The following PCBP3 variants were observed in gnomAD, a reference collection of about 807,000 sequenced individuals.
PCBP3 encodes poly(rC)-binding protein 3.
In PCBP3, 25 loss-of-function variants were observed where a neutral mutation model predicts 52.7. The observed-to-expected ratio is 0.47, with a 90% CI of 0.35 to 0.66. PCBP3 has a LOEUF of 0.66. Ranked by LOEUF, PCBP3 falls within the 30% of genes least tolerant of loss-of-function variation. The pLI, the probability that PCBP3 is intolerant of heterozygous loss-of-function variation, is 0.01. For synonymous variants in PCBP3, 162 were observed against 183.0 expected, an observed-to-expected ratio of 0.89 and a Z score of 0.93; for missense variants, 391 against 490.3, an observed-to-expected ratio of 0.80 and a Z score of 1.91.
At chr21:45,647,395 G>A (rs1210313297) in intron 1 of PCBP3, among the ~76,000 whole-genome samples, 2 of 152,318 alleles carry the variant, frequency 1.3e-5, no homozygotes, top group East Asian at 3.9e-4. Flanking sequence ...TTCGGATTGA[G>A]GAAGGAACAT....
chr21:45,663,374 C>G (rs1247010287), intron 1 of PCBP3, among the ~76,000 whole-genome samples: 1 of 152,010 alleles, frequency 6.6e-6, no homozygotes, highest in Non-Finnish European at 1.5e-5. Context: ...TCGCCCGGGC[C>G]CAGCTGTTTT....
At chr21:45,670,742 C>T (rs1036925572) in intron 2 of PCBP3, among the ~76,000 whole-genome samples, 9 of 152,154 alleles carry the variant, frequency 5.9e-5, no homozygotes, top group Non-Finnish European at 1.3e-4. Flanking sequence ...TGTATCTCTT[C>T]CCCCCAATTT....
intron 9 of PCBP3, among the ~76,000 whole-genome samples, chr21:45,901,756 CAGAGACAGAG>C (rs1403595455): frequency 9.3e-6 from 1 of 107,194 alleles, no homozygotes; most frequent in Non-Finnish European, 1.9e-5. Flanking sequence ...GAGAGAGAGA[CAGAGACAGAG>C]AGAGAGCGAG....
intron 1 of PCBP3, among the ~76,000 whole-genome samples, chr21:45,666,030 A>T (rs1010065989): frequency 6.6e-6 from 1 of 152,250 alleles, no homozygotes; most frequent in African/African-American, 2.4e-5. Context: ...CCATATGATT[A>T]TCTCAATAGA....
chr21:45,726,918 G>C (rs2085089218), intron 2 of PCBP3, among the ~76,000 whole-genome samples: 1 of 152,146 alleles, frequency 6.6e-6, no homozygotes, highest in South Asian at 2.1e-4. Context: ...TATATATTCT[G>C]GATACAGTCT....
intron 3 of PCBP3, chr21:45,751,108 G>C (rs1377957021): frequency 6.6e-6 from 1 of 152,146 alleles, no homozygotes; most frequent in African/African-American, 2.4e-5. Context: ...GTCGCCCACG[G>C]TGGGAGGGTT....
At chr21:45,683,563 CAAAG>C (rs752488638) in intron 2 of PCBP3, among the ~76,000 whole-genome samples, 1 of 152,144 alleles carries the variant, frequency 6.6e-6, no homozygotes, top group Non-Finnish European at 1.5e-5. Flanking sequence ...AGATTCTCTA[CAAAG>C]TCAGGATAGA....
At chr21:45,938,772 G>A (rs1237124484) in intron 16 of PCBP3, among the ~76,000 whole-genome samples, 3 of 152,212 alleles carry the variant, frequency 2.0e-5, no homozygotes, top group Admixed American at 2.0e-4. Context: ...GGGTTCTGTA[G>A]TCCAGTGAGA....
chr21:45,892,049 C>A (rs958285591), intron 5 of PCBP3, among the ~76,000 whole-genome samples: 1 of 152,136 alleles, frequency 6.6e-6, no homozygotes, highest in Non-Finnish European at 1.5e-5. Context: ...GGCTGGCCCA[C>A]CCAGAAACAC....
intron 2 of PCBP3, among the ~76,000 whole-genome samples, chr21:45,720,835 C>G (rs938605590): frequency 6.6e-6 from 1 of 152,220 alleles, no homozygotes; most frequent in Admixed American, 6.5e-5. Flanking sequence ...GGACAGGTGA[C>G]TTGGTTGCAT....
chr21:45,823,014 C>T (rs2093190328), intron 4 of PCBP3, among the ~76,000 whole-genome samples: 1 of 152,192 alleles, frequency 6.6e-6, no homozygotes, highest in African/African-American at 2.4e-5. Flanking sequence ...CTTCCCCCTC[C>T]ATGCTGTCCT....
intron 2 of PCBP3, among the ~76,000 whole-genome samples, chr21:45,698,546 T>C (rs1000235777): frequency 6.6e-6 from 1 of 152,156 alleles, no homozygotes; most frequent in Admixed American, 6.5e-5. Context: ...GCATGTGACA[T>C]AGAGGAAAAG....
At chr21:45,710,425 G>A (rs568959561) in intron 2 of PCBP3, among the ~76,000 whole-genome samples, 4 of 152,154 alleles carry the variant, frequency 2.6e-5, no homozygotes, top group East Asian at 1.9e-4. Context: ...TTGTCCTTGC[G>A]ATAGTTTGCT....
chr21:45,923,185 T>C (rs1338314669), intron 13 of PCBP3, among the ~76,000 whole-genome samples: 2 of 152,186 alleles, frequency 1.3e-5, no homozygotes, highest in African/African-American at 4.8e-5. Context: ...CTCCCACTTG[T>C]TCTGTGTCTC....
intron 4 of PCBP3, among the ~76,000 whole-genome samples, chr21:45,815,613 AGTAGTGAGTGATGAGTG>A: frequency 3.4e-5 from 2 of 58,882 alleles, no homozygotes; most frequent in Non-Finnish European, 3.1e-5. Context: ...GTGAGTGGTG[AGTAGTGAGTGATGAGTG>A]GTGAGTGGTG....
chr21:45,920,204 G>C (rs2074244924), intron 13 of PCBP3, among the ~76,000 whole-genome samples: 1 of 152,166 alleles, frequency 6.6e-6, no homozygotes, highest in Admixed American at 6.5e-5. Context: ...GGGACCCTCT[G>C]GTGACACCTT....
chr21:45,690,764 TATTAA>T (rs1386957889), intron 2 of PCBP3, among the ~76,000 whole-genome samples: 1 of 152,110 alleles, frequency 6.6e-6, no homozygotes, highest in Non-Finnish European at 1.5e-5. Context: ...CACAAGGAGA[TATTAA>T]TATCTATCAT....
chr21:45,748,400 G>A (rs1046150921), intron 3 of PCBP3, among the ~76,000 whole-genome samples: 7 of 152,210 alleles, frequency 4.6e-5, no homozygotes, highest in Admixed American at 4.6e-4. Context: ...CTTTGGCGAT[G>A]AAGGGCAGTC....
At chr21:45,761,533 C>G (rs964366471) in intron 4 of PCBP3, 1 of 152,242 alleles carries the variant, frequency 6.6e-6, no homozygotes, top group African/African-American at 2.4e-5. Context: ...TCACCTTGGA[C>G]GTGTAAACTA....
Sources: allele counts gnomAD v4.1 joint callset (sites outside exome capture counted in the v4.1 genomes callset), GRCh38; gene constraint gnomAD v4.1.1; transcripts MANE v1.5; gene names NCBI Gene and HGNC (gene_info 2026-07-23, HGNC 2026-07-21).